HDAC9: variants seen among roughly 807,000 people sequenced by gnomAD.
HDAC9 encodes the protein MEF-2 interacting transcription repressor (MITR) protein.
HDAC9 carries 41 observed loss-of-function variants against 139.4 expected under a neutral mutation model. The ratio of observed to expected loss-of-function variants is 0.29; its 90% CI spans 0.23 to 0.38. The LOEUF is 0.38. Ranked by LOEUF, HDAC9 falls within the 10% of genes least tolerant of loss-of-function variation. HDAC9 has a pLI of 1.00. For missense variants in HDAC9, 1,147 were observed against 1,297.0 expected (o/e 0.88, Z 1.78); for synonymous variants, 517 against 476.2 (o/e 1.09, Z -1.12).
chr7:18,696,224 T>C (rs948731896), intron 12 of HDAC9, among the ~76,000 whole-genome samples: 1 of 151,772 alleles, frequency 6.6e-6, no homozygotes, highest in Non-Finnish European at 1.5e-5. Context: ...TTCAAACTAA[T>C]CACTGAAATA....
At chr7:18,290,310 A>G (rs1797724088), upstream of HDAC9, 2 of 362,400 alleles carry the variant, frequency 5.5e-6, no homozygotes, top group East Asian at 7.3e-5. Flanking sequence ...TAGCAGGGCA[A>G]TGAGTTGGGA....
intron 17 of HDAC9, among the ~76,000 whole-genome samples, chr7:18,825,591 A>G (rs1336815894): frequency 6.6e-6 from 1 of 151,980 alleles, no homozygotes; most frequent in Non-Finnish European, 1.5e-5. Flanking sequence ...AGACATGAGG[A>G]AAAGGAGAAA....
At chr7:18,219,877 A>G (rs891627376) in intron 2 of HDAC9, among the ~76,000 whole-genome samples, 4 of 152,204 alleles carry the variant, frequency 2.6e-5, no homozygotes, top group Non-Finnish European at 4.4e-5. Context: ...AGCAGAGTGT[A>G]GCAGGGAGAC....
chr7:18,795,935 G>T (rs192452339), intron 17 of HDAC9, among the ~76,000 whole-genome samples: 1 of 152,300 alleles, frequency 6.6e-6, no homozygotes, highest in East Asian at 1.9e-4. Context: ...AAATAGGGAA[G>T]CTTATTCAAG....
At chr7:18,459,780 T>C (rs1319676862) in intron 1 of HDAC9, among the ~76,000 whole-genome samples, 1 of 152,172 alleles carries the variant, frequency 6.6e-6, no homozygotes, top group Non-Finnish European at 1.5e-5. Context: ...AATTCCCTTT[T>C]GGTTTTCTTA....
chr7:18,463,447 C>A (rs1794017964), intron 1 of HDAC9, among the ~76,000 whole-genome samples: 1 of 151,820 alleles, frequency 6.6e-6, no homozygotes, highest in African/African-American at 2.4e-5. Flanking sequence ...ACTCTATTTA[C>A]TTATATGTCA....
At chr7:18,889,014 G>T (rs538368715) in intron 22 of HDAC9, among the ~76,000 whole-genome samples, 45 of 152,212 alleles carry the variant, frequency 3.0e-4, no homozygotes, top group African/African-American at 9.6e-4. Flanking sequence ...GACTATCTGT[G>T]GCGTATCATT....
chr7:18,665,189 G>A (rs1794483557), intron 11 of HDAC9, among the ~76,000 whole-genome samples: 2 of 152,086 alleles, frequency 1.3e-5, no homozygotes, highest in Non-Finnish European at 2.9e-5. Flanking sequence ...TGTTTATGGT[G>A]GTAGTATTAT....
chr7:18,481,947 T>C (rs952836425), intron 1 of HDAC9, among the ~76,000 whole-genome samples: 4 of 152,176 alleles, frequency 2.6e-5, no homozygotes, highest in Admixed American at 1.3e-4. Flanking sequence ...AAATCATTAT[T>C]AGCTGTGTCT....
At chr7:18,443,737 G>C (rs1792008862) in intron 1 of HDAC9, among the ~76,000 whole-genome samples, 1 of 151,910 alleles carries the variant, frequency 6.6e-6, no homozygotes, top group Admixed American at 6.6e-5. Context: ...TTGGATGACA[G>C]TAGAACCCGT....
intron 22 of HDAC9, among the ~76,000 whole-genome samples, chr7:18,921,643 G>C (rs1292480099): frequency 1.3e-5 from 2 of 152,166 alleles, no homozygotes; most frequent in South Asian, 2.1e-4. Context: ...CTGTTAACTA[G>C]TTCAATCATT....
intron 2 of HDAC9, among the ~76,000 whole-genome samples, chr7:18,566,765 C>G (rs971370227): frequency 2.6e-5 from 4 of 152,294 alleles, no homozygotes; most frequent in African/African-American, 9.6e-5. Context: ...TTAATTTATT[C>G]ATTACTTGTT....
At chr7:18,232,128 C>T (rs573239995) in intron 2 of HDAC9, among the ~76,000 whole-genome samples, 1 of 152,210 alleles carries the variant, frequency 6.6e-6, no homozygotes, top group African/African-American at 2.4e-5. Context: ...CTCTAGTGAT[C>T]TTCTGTATGG....
intron 3 of HDAC9, among the ~76,000 whole-genome samples, chr7:18,589,178 G>T (rs1167168913): frequency 6.6e-6 from 1 of 151,964 alleles, no homozygotes; most frequent in Non-Finnish European, 1.5e-5. Context: ...ATAGTTCATA[G>T]ATATATATTT....
chr7:18,648,523 G>A lies in HDAC9; in HGVS notation c.1307G>A (p.Gly436Asp), dbSNP rs1272377006. The A allele has an allele frequency of 1.2e-6, 2 of 1,613,276 alleles. No individual in the cohort carries two copies. The highest frequency in any genetic ancestry group is 1.7e-5 in the Admixed American group (1 of 59,962). Residue 436 changes from glycine to aspartate, a missense_variant, in exon 11 of 26, where the codon GGC (glycine) becomes GAC (aspartate). Transcript: ENST00000686413. ...PLATKERISPGIRGTHKLPRH... is the reference protein window; with the variant it reads ...PLATKERISPDIRGTHKLPRH... ...GCAACAAAAGAGAGAATTTCACCTGGCATTAGAGGTACCCACAAATTGCCC... is the reference window on the plus strand; with the variant it reads ...GCAACAAAAGAGAGAATTTCACCTGACATTAGAGGTACCCACAAATTGCCC...
intron 2 of HDAC9, among the ~76,000 whole-genome samples, chr7:18,244,403 G>A (rs992132232): frequency 6.6e-6 from 1 of 152,136 alleles, no homozygotes; most frequent in African/African-American, 2.4e-5. Flanking sequence ...ATCACTATTT[G>A]TTCATTTCTT....
At chr7:18,630,339 C>A (rs1296143653) in intron 7 of HDAC9, among the ~76,000 whole-genome samples, 1 of 151,760 alleles carries the variant, frequency 6.6e-6, no homozygotes, top group African/African-American at 2.4e-5. Flanking sequence ...CCAATGTGGG[C>A]AGTTGGTATT....
intron 1 of HDAC9, among the ~76,000 whole-genome samples, chr7:18,114,964 G>A (rs536698289): frequency 1.4e-4 from 21 of 152,282 alleles, no homozygotes; most frequent in African/African-American, 4.8e-4. Context: ...AGGGAGCATA[G>A]AGTATAGATT....
rs932050768 is a variant in HDAC9, at chr7:19,001,703, C to A, written c.*5641C>A. The A allele has an allele frequency of 6.6e-6, 1 of 152,034 alleles. No homozygotes were observed. Among genetic ancestry groups the A allele is most frequent in the African/African-American group, 2.4e-5 (1 of 41,406 alleles). The allele number at this position is 152,034 out of a possible 1,614,324, so 9.4% of individuals were successfully genotyped here. A position where few individuals can be genotyped will look rare whatever the true frequency, so the allele number is the denominator to read the frequency against. ...CTTTCTGGGGAAGCAACGTCAGTGT[C>A]TACCTCCACAGTAACTATGATATAG... On this transcript the variant is annotated 3_prime_UTR_variant, in exon 26 of 26. Transcript: ENST00000686413.
Sources: gnomAD v4.1 joint callset for allele counts (sites outside exome capture counted in the v4.1 genomes callset) on GRCh38, gnomAD v4.1.1 for gene constraint, MANE v1.5 for transcripts, NCBI Gene and HGNC (gene_info 2026-07-23, HGNC 2026-07-21) for gene names.